The following RASGRF2 variants were observed in gnomAD, a reference collection of about 807,000 sequenced individuals.
RASGRF2 encodes Ras protein specific guanine nucleotide releasing factor 2.
In RASGRF2, 76 loss-of-function variants were observed where a neutral mutation model predicts 151.0. That is an observed-to-expected ratio of 0.50 (90% CI 0.42 to 0.61). The LOEUF (loss-of-function observed/expected upper bound fraction) is 0.61. Among genes scored for constraint, RASGRF2 ranks in the 20% least tolerant of loss-of-function variants. RASGRF2 has a pLI of 0.00. For synonymous variants in RASGRF2, 504 were observed against 566.5 expected, an observed-to-expected ratio of 0.89 and a Z score of 1.57; for missense variants, 1,148 against 1,564.6, an observed-to-expected ratio of 0.73 and a Z score of 4.49.
intron 2 of RASGRF2, 97 bp downstream of exon 2, chr5:81,043,080 A>C: frequency 1.2e-6 from 1 of 868,310 alleles, no homozygotes; most frequent in Non-Finnish European, 1.8e-6. Context: ...TGCAACTCTA[A>C]GATGAGTTTT....
chr5:81,047,286 G>A (rs1255606140), intron 2 of RASGRF2, among the ~76,000 whole-genome samples: 1 of 152,200 alleles, frequency 6.6e-6, no homozygotes, highest in Admixed American at 6.5e-5. Flanking sequence ...AGTATCCAGG[G>A]GGCTGATAGA....
intron 12 of RASGRF2, among the ~76,000 whole-genome samples, chr5:81,106,164 C>T (rs1424171090): frequency 6.6e-6 from 1 of 152,158 alleles, no homozygotes; most frequent in African/African-American, 2.4e-5. Context: ...ATATTTGCAT[C>T]AGAAAATTTA....
intron 1 of RASGRF2, among the ~76,000 whole-genome samples, chr5:80,988,006 T>TGA (rs1748527636): frequency 8.0e-6 from 1 of 125,164 alleles, no homozygotes. Context: ...GAAATAAATG[T>TGA]GCGTGTGTGT....
intron 2 of RASGRF2, among the ~76,000 whole-genome samples, chr5:81,051,889 G>C (rs1751022275): frequency 6.6e-6 from 1 of 152,162 alleles, no homozygotes; most frequent in Non-Finnish European, 1.5e-5. Flanking sequence ...TTTTTGAGGA[G>C]ATGCCAAACT....
At chr5:81,087,351 C>A in intron 9 of RASGRF2, 1 of 702,894 alleles carries the variant, frequency 1.4e-6, no homozygotes, top group Admixed American at 2.0e-5. Flanking sequence ...AGACTGGGGA[C>A]CATGTCCGAA....
chr5:81,095,527 T>C (rs1018279709), intron 12 of RASGRF2, among the ~76,000 whole-genome samples: 2 of 152,188 alleles, frequency 1.3e-5, no homozygotes, highest in African/African-American at 4.8e-5. Context: ...AGTTGGGGAA[T>C]TGCTCCATTT....
At chr5:81,061,165 A>G (rs1751420523) in intron 2 of RASGRF2, among the ~76,000 whole-genome samples, 1 of 152,098 alleles carries the variant, frequency 6.6e-6, no homozygotes, top group African/African-American at 2.4e-5. Context: ...ATATATTATT[A>G]CTTATTTAAC....
chr5:81,165,063 G>A (rs370646547), intron 17 of RASGRF2, among the ~76,000 whole-genome samples: 1 of 152,216 alleles, frequency 6.6e-6, no homozygotes, highest in Non-Finnish European at 1.5e-5. Context: ...GGGACCCAGC[G>A]TGACCTTGCC....
Position 81,082,057 on chromosome 5 carries a change from G to C in RASGRF2, c.1161+1268G>C, listed in dbSNP as rs976893713. Among the ~76,000 whole-genome samples the C allele has an allele frequency of 3.7e-4, 56 of 151,966 alleles. 1 individual carries two copies. The highest frequency in any genetic ancestry group is 6.2e-4 in the South Asian group (3 of 4,814). On this transcript the variant is annotated intron_variant, in intron 7 of 26. Coordinates refer to ENST00000265080, the MANE Select transcript of RASGRF2 (RefSeq NM_006909.3). The stretch of plus-strand genomic sequence containing the variant: ...GTGAATTTTTGACAATTATCTTTAG[G>C]TTATGATTCAGTACCCCAAGTTGTA...
chr5:81,012,599 T>C (rs559696917), intron 1 of RASGRF2, among the ~76,000 whole-genome samples: 1 of 152,252 alleles, frequency 6.6e-6, no homozygotes, highest in African/African-American at 2.4e-5. Context: ...ATGCCCTTCC[T>C]GAGGCAGCCC....
At chr5:81,225,398 A>C (rs1190273969) in intron 26 of RASGRF2, among the ~76,000 whole-genome samples, 1 of 152,180 alleles carries the variant, frequency 6.6e-6, no homozygotes, top group East Asian at 1.9e-4. Flanking sequence ...AGTACATGTA[A>C]TCTCTATAAA....
At chr5:81,212,038 C>A (rs900009856) in intron 22 of RASGRF2, among the ~76,000 whole-genome samples, 4 of 152,154 alleles carry the variant, frequency 2.6e-5, no homozygotes, top group Non-Finnish European at 5.9e-5. Context: ...CATTGCCTTT[C>A]CGCAGGCGTT....
chr5:81,190,453 G>T (rs1755132375), intron 18 of RASGRF2, among the ~76,000 whole-genome samples: 1 of 152,176 alleles, frequency 6.6e-6, no homozygotes, highest in Non-Finnish European at 1.5e-5. Context: ...TCCATTGTTA[G>T]CTTGCTAGTT....
At chr5:81,156,490 A>T (rs1006124610) in intron 17 of RASGRF2, among the ~76,000 whole-genome samples, 61 of 152,344 alleles carry the variant, frequency 4.0e-4, no homozygotes, top group African/African-American at 1.1e-3. Flanking sequence ...CTTATGAAAA[A>T]GTTTAACACC....
At chr5:80,964,802 A>T (rs1396926343) in intron 1 of RASGRF2, among the ~76,000 whole-genome samples, 1 of 152,170 alleles carries the variant, frequency 6.6e-6, no homozygotes, top group Non-Finnish European at 1.5e-5. Context: ...TTTACATGAC[A>T]TTACTTCAGG....
At chr5:81,128,949 G>C (rs1184116809) in intron 17 of RASGRF2, among the ~76,000 whole-genome samples, 1 of 151,938 alleles carries the variant, frequency 6.6e-6, no homozygotes, top group Non-Finnish European at 1.5e-5. Context: ...GACCAGCCTG[G>C]CCAACATGAT....
At chr5:81,044,220 C>A (rs983833519) in intron 2 of RASGRF2, among the ~76,000 whole-genome samples, 2 of 152,098 alleles carry the variant, frequency 1.3e-5, no homozygotes, top group Admixed American at 6.5e-5. Flanking sequence ...GAGTTTGAGA[C>A]CAGCCTGGCC....
chr5:81,161,715 C>A (rs892551313), intron 17 of RASGRF2, among the ~76,000 whole-genome samples: 3 of 152,128 alleles, frequency 2.0e-5, no homozygotes, highest in African/African-American at 7.2e-5. Flanking sequence ...CCTAGTGTAG[C>A]CTCTTTCCAG....
chr5:81,021,393 A>C (rs1451434339), intron 1 of RASGRF2, among the ~76,000 whole-genome samples: 1 of 152,218 alleles, frequency 6.6e-6, no homozygotes, highest in Non-Finnish European at 1.5e-5. Context: ...ATAAGTAGAG[A>C]AAAATGAACC....
Sources: gnomAD v4.1 joint callset for allele counts (sites outside exome capture counted in the v4.1 genomes callset) on GRCh38, gnomAD v4.1.1 for gene constraint, MANE v1.5 for transcripts, NCBI Gene and HGNC (gene_info 2026-07-23, HGNC 2026-07-21) for gene names.